The following CCDC178 variants were observed in gnomAD, a reference collection of about 807,000 sequenced individuals.
The protein encoded by CCDC178 is coiled-coil domain containing 178, also known as coiled-coil domain-containing protein 178.
Under a neutral mutation model 117.4 loss-of-function variants are expected in CCDC178, and 126 were observed. That is an observed-to-expected ratio of 1.07 (90% CI 0.93 to 1.24). The LOEUF (loss-of-function observed/expected upper bound fraction) is 1.24, where lower values mean the gene tolerates loss of function less well. Ranked by LOEUF, CCDC178 falls within the 50% of genes most tolerant of loss-of-function variation. CCDC178 has a pLI of 0.00. For missense variants in CCDC178, 1,030 were observed against 986.9 expected (o/e 1.04, Z -0.59); for synonymous variants, 283 against 313.4 (o/e 0.90, Z 1.02).
chr18:33,271,020 A>T (rs1241998194), intron 12 of CCDC178, among the ~76,000 whole-genome samples: 2 of 151,560 alleles, frequency 1.3e-5, no homozygotes, highest in Non-Finnish European at 3.0e-5. Flanking sequence ...TACTATTGAA[A>T]TTGTTAGTAT....
intron 12 of CCDC178, among the ~76,000 whole-genome samples, chr18:33,267,553 G>T (rs1170767427): frequency 6.6e-6 from 1 of 151,186 alleles, no homozygotes; most frequent in African/African-American, 2.4e-5. Context: ...ACTAGTACAA[G>T]AAAAAAATGA....
intron 20 of CCDC178, among the ~76,000 whole-genome samples, chr18:33,189,320 G>C (rs2058830657): frequency 6.8e-6 from 1 of 147,574 alleles, no homozygotes; most frequent in East Asian, 1.9e-4. Flanking sequence ...AAATAAAGTT[G>C]TAAAGTTATA....
At chr18:32,956,988 G>GAGAAA (rs893086203) in intron 22 of CCDC178, among the ~76,000 whole-genome samples, 22 of 151,914 alleles carry the variant, frequency 1.4e-4, no homozygotes, top group African/African-American at 4.6e-4. Flanking sequence ...TAAAGAGAAA[G>GAGAAA]AGATGAAATA....
chr18:33,372,165 A>G (rs947913718), intron 5 of CCDC178, among the ~76,000 whole-genome samples: 1 of 152,108 alleles, frequency 6.6e-6, no homozygotes, highest in Non-Finnish European at 1.5e-5. Context: ...TTAAATTTGC[A>G]CTAAAATCTG....
chr18:33,428,282 A>G (rs2144957757), intron 2 of CCDC178, among the ~76,000 whole-genome samples: 1 of 152,342 alleles, frequency 6.6e-6, no homozygotes, highest in South Asian at 2.1e-4. Flanking sequence ...TAAAATATCT[A>G]GAAAAGTCTT....
At chr18:33,417,099 T>TA (rs1360182756) in intron 2 of CCDC178, among the ~76,000 whole-genome samples, 1 of 152,188 alleles carries the variant, frequency 6.6e-6, no homozygotes, top group Non-Finnish European at 1.5e-5. Flanking sequence ...ATTGCACTCT[T>TA]AAACATATAT....
intron 3 of CCDC178, among the ~76,000 whole-genome samples, chr18:33,409,256 C>T (rs2063820222): frequency 6.6e-6 from 1 of 151,854 alleles, no homozygotes; most frequent in Non-Finnish European, 1.5e-5. Context: ...GGCTAATTTT[C>T]GTATTTTTTG....
At chr18:33,429,363 A>T (rs1020174997) in intron 2 of CCDC178, among the ~76,000 whole-genome samples, 3 of 151,956 alleles carry the variant, frequency 2.0e-5, no homozygotes, top group African/African-American at 7.2e-5. Context: ...AGGGAGGGGG[A>T]GAGAGAGACA....
chr18:33,036,815 A>C (rs9967206), intron 21 of CCDC178, among the ~76,000 whole-genome samples: 23,056 of 151,910 alleles, frequency 0.15, 2,597 homozygotes, highest in African/African-American at 0.32. Flanking sequence ...AGGCTAAGAC[A>C]AGACACGGGG....
intron 2 of CCDC178, among the ~76,000 whole-genome samples, chr18:33,439,121 GT>G (rs1421701928): frequency 1.3e-5 from 2 of 152,212 alleles, no homozygotes; most frequent in African/African-American, 4.8e-5. Context: ...ATAGGTGCAA[GT>G]TTGGGAATTT....
At chr18:33,416,008 G>A (rs1397254845) in intron 2 of CCDC178, among the ~76,000 whole-genome samples, 1 of 152,150 alleles carries the variant, frequency 6.6e-6, no homozygotes, top group South Asian at 2.1e-4. Flanking sequence ...ATGCCAATGG[G>A]TATAGACAAA....
chr18:33,086,330 AAGT>A (rs1466364493), intron 21 of CCDC178, among the ~76,000 whole-genome samples: 1 of 151,210 alleles, frequency 6.6e-6, no homozygotes, highest in Non-Finnish European at 1.5e-5. Flanking sequence ...AATATCATGA[AAGT>A]AGAGTTTGTG....
At chr18:33,001,669 T>C (rs1359250632) in intron 21 of CCDC178, among the ~76,000 whole-genome samples, 1 of 151,676 alleles carries the variant, frequency 6.6e-6, no homozygotes, top group Admixed American at 6.6e-5. Context: ...GAGGACTAAG[T>C]CCTTACTTAT....
intron 5 of CCDC178, among the ~76,000 whole-genome samples, chr18:33,372,473 AC>A (rs1170966517): frequency 6.6e-6 from 1 of 152,100 alleles, no homozygotes; most frequent in African/African-American, 2.4e-5. Context: ...GATATTTTTC[AC>A]CTAAAATTCC....
chr18:33,412,651 A>G (rs2063873788), intron 2 of CCDC178, among the ~76,000 whole-genome samples: 1 of 152,176 alleles, frequency 6.6e-6, no homozygotes, highest in Non-Finnish European at 1.5e-5. Context: ...GATAATGGTT[A>G]AGCAAAACAC....
Position 33,266,944 on chromosome 18 carries a change from TA to T in CCDC178, c.1380del (p.Asn461ThrfsTer3). ...TEDNKKLEID[I>X]NKITVKTNES... is the part of the protein sequence containing the mutation. ...TCATTGGTTTTTACTGTTATTTTGT[TA>T]ATATCAATCTCAAGTTTTTTATTGT... On this transcript the variant is annotated frameshift_variant, in exon 14 of 23. Transcript: ENST00000383096. LOFTEE classifies it high-confidence loss of function. The T allele has an allele frequency of 6.3e-7, 1 of 1,584,436 alleles. No individual in the cohort carries two copies. Among genetic ancestry groups the T allele is most frequent in the East Asian group, 2.2e-5 (1 of 44,600 alleles).
At chr18:33,081,301 T>G (rs2057293707) in intron 21 of CCDC178, among the ~76,000 whole-genome samples, 1 of 152,206 alleles carries the variant, frequency 6.6e-6, no homozygotes, top group Admixed American at 6.5e-5. Context: ...TTTATTTTCT[T>G]TTTAGCTTTC....
chr18:33,394,333 T>C (rs1314055057), intron 4 of CCDC178, among the ~76,000 whole-genome samples: 1 of 152,146 alleles, frequency 6.6e-6, no homozygotes, highest in Middle Eastern at 3.4e-3. Flanking sequence ...TTAATTTTCA[T>C]TTTACACATG....
chr18:33,037,271 A>T (rs138419632), intron 21 of CCDC178, among the ~76,000 whole-genome samples: 145 of 152,090 alleles, frequency 9.5e-4, no homozygotes, highest in East Asian at 4.3e-3. Flanking sequence ...CAGATCTAAC[A>T]CTAGTTATTT....
Sources: allele counts gnomAD v4.1 joint callset (sites outside exome capture counted in the v4.1 genomes callset), GRCh38; gene constraint gnomAD v4.1.1; transcripts MANE v1.5; gene names NCBI Gene and HGNC (gene_info 2026-07-23, HGNC 2026-07-21).